Variants in FHIT observed in about 807,000 individuals in gnomAD.
FHIT encodes the protein bis(5'-adenosyl)-triphosphatase.
In FHIT, 19 loss-of-function variants were observed where a neutral mutation model predicts 17.9. The observed-to-expected ratio is 1.06, with a 90% CI of 0.74 to 1.56. FHIT has a LOEUF of 1.56. Ranked by LOEUF, FHIT falls within the 40% of genes most tolerant of loss-of-function variation. FHIT has a pLI of 0.00. For synonymous variants in FHIT, 81 were observed against 69.7 expected (o/e 1.16, Z -0.81); for missense variants, 248 against 189.2 (o/e 1.31, Z -1.82).
chr3:61,058,656 T>A (rs2034314378), intron 2 of FHIT, among the ~76,000 whole-genome samples: 1 of 152,158 alleles, frequency 6.6e-6, no homozygotes, highest in South Asian at 2.1e-4. Flanking sequence ...ACCTGAGGCC[T>A]CTCCAGCCAT....
intron 4 of FHIT, among the ~76,000 whole-genome samples, chr3:60,609,330 T>C (rs1232188291): frequency 7.8e-6 from 1 of 127,790 alleles, no homozygotes. Flanking sequence ...TCCTTTTTTA[T>C]TTATTTTTTT....
intron 4 of FHIT, among the ~76,000 whole-genome samples, chr3:60,660,729 C>CTTTTTTTTGTTTTTTTTTTT (rs2040222821): frequency 2.7e-5 from 1 of 37,278 alleles, no homozygotes; most frequent in Non-Finnish European, 5.5e-5. Context: ...TTATTGTGCT[C>CTTTTTTTTGTTTTTTTTTTT]TTTTTTTTTT....
chr3:60,173,915 A>ATATATATATATATATATATTTTT, intron 5 of FHIT, among the ~76,000 whole-genome samples: 1 of 66,440 alleles, frequency 1.5e-5, no homozygotes, highest in Non-Finnish European at 2.8e-5. Context: ...ATATATATAT[A>ATATATATATATATATATATTTTT]TGTTTTTTTT....
At position 59,823,802 on chromosome 3, in the gene FHIT, C is replaced by T. The variant is rs180983715; in HGVS notation, c.349-71481G>A. Among the ~76,000 whole-genome samples the T allele has an allele frequency of 2.2e-3, 340 of 152,264 alleles. 2 individuals carry two copies. Among genetic ancestry groups the T allele is most frequent in the Non-Finnish European group, 1.4e-3 (93 of 68,018 alleles). ...AGAAACGGAACAAGACAAGGATGCC[C>T]TCTGTCACCACTTCTATTCAACACA... On this transcript the variant is annotated intron_variant, in intron 8 of 9. Transcript: ENST00000492590.
At chr3:59,930,994 C>T (rs111236187) in intron 7 of FHIT, among the ~76,000 whole-genome samples, 1 of 152,176 alleles carries the variant, frequency 6.6e-6, no homozygotes, top group Non-Finnish European at 1.5e-5. Context: ...ATTCTTTTGA[C>T]TGAGTCAATT....
Position 61,068,658 on chromosome 3 carries a change from G to T in FHIT, c.-163-26559C>A, listed in dbSNP as rs542563197. On this transcript the variant is annotated intron_variant, in intron 2 of 9. Coordinates refer to ENST00000492590, the MANE Select transcript of FHIT (RefSeq NM_002012.4). The stretch of plus-strand genomic sequence containing the variant: ...TGGAGATTAGGGTGTAGATATCTTT[G>T]GGGGGAGGGCGCATGATTCTACCTA... Among the ~76,000 whole-genome samples the T allele has an allele frequency of 4.7e-5, 7 of 150,460 alleles. No homozygotes were observed. The East Asian group carries it at 9.9e-4, about 21-fold the overall frequency.
intron 4 of FHIT, among the ~76,000 whole-genome samples, chr3:60,771,328 T>C (rs1700033499): frequency 6.6e-6 from 1 of 152,232 alleles, no homozygotes; most frequent in Non-Finnish European, 1.5e-5. Flanking sequence ...TCATTTTGTC[T>C]GCTTTTTTTG....
chr3:60,865,603 G>A (rs1704120589), intron 3 of FHIT, among the ~76,000 whole-genome samples: 1 of 152,092 alleles, frequency 6.6e-6, no homozygotes, highest in East Asian at 1.9e-4. Context: ...TATATCAAGA[G>A]ACTCTCTATG....
intron 4 of FHIT, among the ~76,000 whole-genome samples, chr3:60,815,873 GT>G (rs1342184990): frequency 1.3e-5 from 2 of 152,062 alleles, no homozygotes; most frequent in Non-Finnish European, 2.9e-5. Flanking sequence ...AGCATGGAAT[GT>G]TTTTCCATCT....
In FHIT at chr3:60,130,603, G is replaced by A. The variant is rs62240245; in HGVS notation, c.104-116451C>T. Among the ~76,000 whole-genome samples the A allele has an allele frequency of 3.1e-4, 47 of 151,734 alleles. 1 individual carries two copies. In the South Asian group the frequency reaches 9.2e-3, roughly 30 times the overall value. On this transcript the variant is annotated intron_variant, in intron 5 of 9. Coordinates refer to ENST00000492590, the MANE Select transcript of FHIT (RefSeq NM_002012.4). Reference sequence around the variant, plus strand: ...CTTCAAAAATGAAAACACTGGGCATGTGACCTATAAATAATGAAATCATAT... The same window carrying A: ...CTTCAAAAATGAAAACACTGGGCATATGACCTATAAATAATGAAATCATAT...
intron 7 of FHIT, among the ~76,000 whole-genome samples, chr3:59,938,878 G>A (rs1357672352): frequency 6.6e-6 from 1 of 152,186 alleles, no homozygotes; most frequent in Admixed American, 6.5e-5. Flanking sequence ...AGGACAATGA[G>A]CCCCAGTTTT....
chr3:61,214,688 G>T (rs2039612395), intron 1 of FHIT, among the ~76,000 whole-genome samples: 1 of 152,148 alleles, frequency 6.6e-6, no homozygotes, highest in Non-Finnish European at 1.5e-5. Context: ...ACCAAAGCCT[G>T]GCAGAGACAC....
intron 4 of FHIT, among the ~76,000 whole-genome samples, chr3:60,604,458 G>A (rs1440781803): frequency 2.0e-5 from 3 of 152,258 alleles, no homozygotes; most frequent in Middle Eastern, 3.4e-3. Flanking sequence ...TAAGATCTAG[G>A]AAGAGCCAGA....
At chr3:60,494,492 A>G (rs1158182720) in intron 5 of FHIT, among the ~76,000 whole-genome samples, 5 of 152,120 alleles carry the variant, frequency 3.3e-5, no homozygotes, top group Non-Finnish European at 7.4e-5. Context: ...ACTCTTAGTT[A>G]TTTCAAAATG....
At chr3:60,768,191 A>T (rs1359796803) in intron 4 of FHIT, among the ~76,000 whole-genome samples, 2 of 152,182 alleles carry the variant, frequency 1.3e-5, no homozygotes, top group African/African-American at 4.8e-5. Flanking sequence ...TGTGGTCAAC[A>T]CTGCCTGGAA....
At chr3:60,290,272 C>T (rs969811807) in intron 5 of FHIT, among the ~76,000 whole-genome samples, 2 of 152,124 alleles carry the variant, frequency 1.3e-5, no homozygotes, top group African/African-American at 2.4e-5. Flanking sequence ...CTAATCAGCC[C>T]ACCACCTCCT....
chr3:59,859,510 G>T (rs1702318042), intron 8 of FHIT, among the ~76,000 whole-genome samples: 2 of 152,192 alleles, frequency 1.3e-5, no homozygotes, highest in African/African-American at 4.8e-5. Flanking sequence ...CTGAGGTTAG[G>T]AGTTCAAGCC....
chr3:60,433,692 A>G (rs968093080), intron 5 of FHIT, among the ~76,000 whole-genome samples: 1 of 152,106 alleles, frequency 6.6e-6, no homozygotes, highest in Non-Finnish European at 1.5e-5. Context: ...ATCATTTCAT[A>G]TACCTGTTGG....
intron 5 of FHIT, among the ~76,000 whole-genome samples, chr3:60,160,986 CT>C (rs367637258): frequency 5.2e-4 from 79 of 152,206 alleles, no homozygotes; most frequent in African/African-American, 1.1e-3. Flanking sequence ...AATCCATATT[CT>C]TACACAAGAA....
Sources: gnomAD v4.1 joint callset for allele counts (sites outside exome capture counted in the v4.1 genomes callset) on GRCh38, gnomAD v4.1.1 for gene constraint, MANE v1.5 for transcripts, NCBI Gene and HGNC (gene_info 2026-07-23, HGNC 2026-07-21) for gene names.